The following RABEP1 variants were observed in gnomAD, a reference collection of about 807,000 sequenced individuals.
RABEP1 encodes rab GTPase-binding effector protein 1.
In RABEP1, 51 loss-of-function variants were observed where a neutral mutation model predicts 123.4. The ratio of observed to expected loss-of-function variants is 0.41; its 90% confidence interval spans 0.33 to 0.52. RABEP1 has a LOEUF of 0.52. RABEP1 is among the 20% of genes least tolerant of loss of function. The pLI is 0.16. For synonymous variants in RABEP1, 347 were observed against 355.2 expected (o/e 0.98, Z 0.26); for missense variants, 888 against 996.3 (o/e 0.89, Z 1.46).
At chr17:5,328,645 TAAAAA>T (rs60062792) in intron 2 of RABEP1, among the ~76,000 whole-genome samples, 10 of 54,124 alleles carry the variant, frequency 1.8e-4, no homozygotes, top group Admixed American at 5.5e-4. Context: ...GACGCTGTGT[TAAAAA>T]AAAAAAAAAA....
At chr17:5,326,880 A>AT (rs1906028010) in intron 2 of RABEP1, among the ~76,000 whole-genome samples, 1 of 152,154 alleles carries the variant, frequency 6.6e-6, no homozygotes, top group Non-Finnish European at 1.5e-5. Context: ...TCGTTTGGTG[A>AT]TTTTGTCCTT....
intron 17 of RABEP1, among the ~76,000 whole-genome samples, chr17:5,382,812 C>T (rs559070323): frequency 2.0e-5 from 3 of 151,524 alleles, no homozygotes; most frequent in Admixed American, 6.6e-5. Flanking sequence ...CTCAGCTACT[C>T]GGGAGGCTGA....
chr17:5,282,792 A>G (rs1478715042), intron 1 of RABEP1, among the ~76,000 whole-genome samples: 1 of 148,594 alleles, frequency 6.7e-6, no homozygotes, highest in Non-Finnish European at 1.5e-5. Flanking sequence ...AGCGTGGGGT[A>G]GTGTGGGGAG....
At chr17:5,360,960 C>CT (rs370931304) in intron 8 of RABEP1, 31,146 of 392,144 alleles carry the variant, frequency 0.079, 30 homozygotes, top group South Asian at 0.1. Context: ...GCTTACTTAT[C>CT]TTTTTTTTTT....
chr17:5,361,453 A>G lies in RABEP1; in HGVS notation c.1341A>G (p.Ser447=), dbSNP rs1193093629. 3 of 1,614,208 alleles carry G rather than the reference A, an allele frequency of 1.9e-6. No homozygotes were observed. The highest frequency in any genetic ancestry group is 3.3e-5 in the Admixed American group (2 of 60,024). Residue 447 remains serine (S), a synonymous_variant, in exon 9 of 18, where the codon TCA becomes TCG. Transcript: ENST00000537505. ...SDFGPLVGAD[S]VSENFDTASL... is the part of the protein sequence containing the mutation. ...TTGGACCACTGGTAGGAGCAGATTC[A>G]GTGTCTGAGAACTTTGATACTGCAT... is the stretch of plus-strand genomic sequence containing the variant.
At chr17:5,377,003 T>C in intron 13 of RABEP1, 113 bp from the exon 14 acceptor site, 1 of 1,147,756 alleles carries the variant, frequency 8.7e-7, no homozygotes, top group Non-Finnish European at 1.2e-6. Context: ...GGTCAAAGTC[T>C]TAATTTTTGA....
At chr17:5,315,445 C>G (rs7220835) in intron 2 of RABEP1, among the ~76,000 whole-genome samples, 93,310 of 151,974 alleles carry the variant, frequency 0.61, 30,346 homozygotes, top group East Asian at 0.96. Flanking sequence ...AGTTCCAGGG[C>G]AAGAGAATGG....
intron 1 of RABEP1, among the ~76,000 whole-genome samples, chr17:5,301,435 G>A (rs1046368): frequency 0.17 from 25,544 of 152,006 alleles, 2,235 homozygotes; most frequent in Middle Eastern, 0.22. Flanking sequence ...CTATGCAAAG[G>A]ATTGATAGAC....
At chr17:5,337,964 T>C (rs1353791362) in intron 4 of RABEP1, 55 bp from the exon 5 acceptor site, 76 of 1,542,732 alleles carry the variant, frequency 4.9e-5, no homozygotes, top group Admixed American at 3.1e-4. Context: ...GGTTAGAGTT[T>C]CTTAGAAAAG....
At chr17:5,317,093 C>A (rs1006796646) in intron 2 of RABEP1, among the ~76,000 whole-genome samples, 5 of 151,926 alleles carry the variant, frequency 3.3e-5, no homozygotes, top group Non-Finnish European at 5.9e-5. Flanking sequence ...GACACATCCC[C>A]ACTTATTCTT....
intron 2 of RABEP1, among the ~76,000 whole-genome samples, chr17:5,319,327 C>CA (rs200353804): frequency 0.36 from 41,223 of 113,786 alleles, 8,468 homozygotes; most frequent in Non-Finnish European, 0.49. Flanking sequence ...GACTCTGTCT[C>CA]AAAAAAAAAA....
At chr17:5,328,671 A>G (rs868729995) in intron 2 of RABEP1, among the ~76,000 whole-genome samples, 29 of 120,528 alleles carry the variant, frequency 2.4e-4, no homozygotes, top group Non-Finnish European at 2.1e-4. Flanking sequence ...AAAAAAAAAA[A>G]GCCGGGCGCA....
In RABEP1 at chr17:5,324,602, A is replaced by G. The variant is rs74598794; in HGVS notation, c.164-7347A>G. ...TTGCATCAGGCTAAGAAGCCTCTGC[A>G]CAATAAGGGAAACAAAGTGAAGAGA... On this transcript the variant is annotated intron_variant, in intron 2 of 17. Transcript: ENST00000537505. Among the ~76,000 whole-genome samples the G allele has an allele frequency of 1.6e-3, 243 of 152,370 alleles. 2 individuals are homozygous for G. Among genetic ancestry groups the G allele is most frequent in the African/African-American group, 5.7e-3 (238 of 41,596 alleles).
At position 5,282,322 on chromosome 17, in the gene RABEP1, C is replaced by T. The variant is rs1473833422; in HGVS notation, c.-165C>T. ...GGCGGAGGTCGGCGGTCGGGTCCGT[C>T]TCTGCCCGCGGCTGTGGCGGCGCCG... On this transcript the variant is annotated 5_prime_UTR_variant, in exon 1 of 18. Transcript: ENST00000537505. 2 of 473,762 alleles carry T rather than the reference C, an allele frequency of 4.2e-6. No individual in the cohort carries two copies. The highest frequency in any genetic ancestry group is 2.0e-5 in the African/African-American group (1 of 49,664). 29.3% of individuals were successfully genotyped at this position (473,762 alleles called of 1,614,324 possible).
At chr17:5,306,062 T>C (rs902343008) in intron 1 of RABEP1, among the ~76,000 whole-genome samples, 2 of 152,156 alleles carry the variant, frequency 1.3e-5, no homozygotes, top group African/African-American at 4.8e-5. Flanking sequence ...GCGATGCTTC[T>C]CGACTTACCA....
At chr17:5,323,106 T>G (rs987130443) in intron 2 of RABEP1, among the ~76,000 whole-genome samples, 1 of 152,084 alleles carries the variant, frequency 6.6e-6, no homozygotes, top group Non-Finnish European at 1.5e-5. Context: ...CAACAAAAAC[T>G]GTATGGTTAT....
At chr17:5,294,451 A>AT (rs1484556645) in intron 1 of RABEP1, among the ~76,000 whole-genome samples, 1 of 152,030 alleles carries the variant, frequency 6.6e-6, no homozygotes, top group African/African-American at 2.4e-5. Context: ...TTTACATAGT[A>AT]TTTACATTGT....
At chr17:5,282,891 GA>G (rs2074941737) in intron 1 of RABEP1, among the ~76,000 whole-genome samples, 1 of 151,802 alleles carries the variant, frequency 6.6e-6, no homozygotes, top group Admixed American at 6.6e-5. Flanking sequence ...ATTCGTTAAA[GA>G]AAAAAAATCT....
chr17:5,367,312 C>T (rs1186191354), intron 11 of RABEP1, among the ~76,000 whole-genome samples: 1 of 151,764 alleles, frequency 6.6e-6, no homozygotes, highest in Non-Finnish European at 1.5e-5. Context: ...CGCTGTGTCG[C>T]CCAGGCTAGA....
Sources: allele counts gnomAD v4.1 joint callset (sites outside exome capture counted in the v4.1 genomes callset), GRCh38; gene constraint gnomAD v4.1.1; transcripts MANE v1.5; gene names NCBI Gene and HGNC (gene_info 2026-07-23, HGNC 2026-07-21).